Variants in EYS observed in about 807,000 individuals in gnomAD.
EYS encodes EGF-like photoreceptor maintenance factor.
Under a neutral mutation model 282.1 loss-of-function variants are expected in EYS, and 250 were observed. That is an observed-to-expected ratio of 0.89 (90% CI 0.80 to 0.98). EYS has a LOEUF of 0.98. EYS is among the 50% of genes least tolerant of loss of function. EYS has a pLI of 0.00. For synonymous variants in EYS, 1,355 were observed against 1,282.9 expected (o/e 1.06, Z -1.20); for missense variants, 4,016 against 3,709.0 (o/e 1.08, Z -2.15).
chr6:65,140,393 C>G (rs1043665924), intron 12 of EYS, among the ~76,000 whole-genome samples: 1 of 151,540 alleles, frequency 6.6e-6, no homozygotes, highest in African/African-American at 2.4e-5. Context: ...GGGACTATAA[C>G]AACAGTTTAT....
chr6:64,413,807 A>G (rs1440772530), intron 28 of EYS, among the ~76,000 whole-genome samples: 1 of 152,180 alleles, frequency 6.6e-6, no homozygotes, highest in Non-Finnish European at 1.5e-5. Context: ...TCCCAAATTC[A>G]TATGTTGAAA....
intron 18 of EYS, among the ~76,000 whole-genome samples, chr6:64,896,356 AG>A (rs1333348134): frequency 2.0e-5 from 3 of 152,028 alleles, no homozygotes; most frequent in Non-Finnish European, 4.4e-5. Context: ...CCCCTAACCA[AG>A]GGAAGCCCAG....
intron 22 of EYS, among the ~76,000 whole-genome samples, chr6:64,690,643 T>A (rs1279777467): frequency 6.6e-6 from 1 of 152,180 alleles, no homozygotes; most frequent in African/African-American, 2.4e-5. Flanking sequence ...TGGAATACTA[T>A]GCAGCCATAA....
chr6:64,434,579 A>G (rs1399641194), intron 28 of EYS, among the ~76,000 whole-genome samples: 2 of 152,028 alleles, frequency 1.3e-5, no homozygotes, highest in South Asian at 2.1e-4. Flanking sequence ...TTCAATTCAT[A>G]TTACATTTCT....
intron 22 of EYS, among the ~76,000 whole-genome samples, chr6:64,686,113 A>G (rs560229364): frequency 6.7e-6 from 1 of 150,362 alleles, no homozygotes. Flanking sequence ...TTAAAAAAAA[A>G]CAGGAAACTG....
At chr6:65,373,713 G>A (rs528808490) in intron 8 of EYS, among the ~76,000 whole-genome samples, 1 of 151,954 alleles carries the variant, frequency 6.6e-6, no homozygotes, top group South Asian at 2.1e-4. Flanking sequence ...TTATTATATG[G>A]ATACACTATA....
chr6:64,532,435 C>T (rs909938476), intron 26 of EYS, among the ~76,000 whole-genome samples: 2 of 152,096 alleles, frequency 1.3e-5, no homozygotes, highest in African/African-American at 4.8e-5. Flanking sequence ...CTAGGCCGGG[C>T]GCGGTGGCTC....
At chr6:65,219,427 T>A (rs1029500140) in intron 12 of EYS, among the ~76,000 whole-genome samples, 1 of 152,128 alleles carries the variant, frequency 6.6e-6, no homozygotes, top group African/African-American at 2.4e-5. Context: ...GTTTGCCAAG[T>A]CTGCTTGTAA....
intron 28 of EYS, among the ~76,000 whole-genome samples, chr6:64,402,892 G>A (rs1260041836): frequency 6.6e-6 from 1 of 152,070 alleles, no homozygotes; most frequent in South Asian, 2.1e-4. Flanking sequence ...TGAAAGGACT[G>A]CTAGAACTTC....
chr6:63,875,451 G>A lies in EYS; in HGVS notation c.7056-11093C>T, dbSNP rs112892021. On this transcript the variant is annotated intron_variant, in intron 35 of 42. Transcript: ENST00000503581. The stretch of plus-strand genomic sequence containing the variant: ...AAATTCTCTTTTTTTGTTGTGTCTC[G>A]GCCAGGCATGGTATCAGGATAATGT... 5.7e-3 allele frequency among the ~76,000 whole-genome samples: 859 copies of A among 152,004 alleles called. 10 individuals carry two copies. The highest frequency in any genetic ancestry group is 0.02 in the African/African-American group (816 of 41,456).
intron 14 of EYS, among the ~76,000 whole-genome samples, chr6:64,946,889 T>G (rs1429638828): frequency 2.0e-5 from 3 of 151,980 alleles, no homozygotes; most frequent in African/African-American, 7.2e-5. Flanking sequence ...TCAATTAATT[T>G]CATTTATTTC....
At chr6:64,197,346 T>A (rs1765322552) in intron 31 of EYS, among the ~76,000 whole-genome samples, 1 of 152,202 alleles carries the variant, frequency 6.6e-6, no homozygotes, top group Admixed American at 6.5e-5. Context: ...TATCTGTAGA[T>A]GGGTAAATCT....
At chr6:64,968,994 T>A (rs1317424709) in intron 14 of EYS, among the ~76,000 whole-genome samples, 2 of 152,106 alleles carry the variant, frequency 1.3e-5, no homozygotes, top group African/African-American at 2.4e-5. Context: ...TTGCCCAAGA[T>A]CTCTGTTATA....
chr6:64,800,450 G>T (rs1488474249), intron 22 of EYS, among the ~76,000 whole-genome samples: 1 of 151,726 alleles, frequency 6.6e-6, no homozygotes, highest in East Asian at 1.9e-4. Context: ...AACCAAAAAT[G>T]TTATAAGAGC....
At chr6:64,950,059 G>T (rs966369083) in intron 14 of EYS, among the ~76,000 whole-genome samples, 1 of 151,842 alleles carries the variant, frequency 6.6e-6, no homozygotes, top group African/African-American at 2.4e-5. Flanking sequence ...AAACATTTAA[G>T]CCATGTAATA....
chr6:65,519,822 TCCTC>T (rs1287937488), intron 2 of EYS, among the ~76,000 whole-genome samples: 1 of 145,280 alleles, frequency 6.9e-6, no homozygotes, highest in Non-Finnish European at 1.5e-5. Flanking sequence ...GCTTAGGTGA[TCCTC>T]CCACCTCAAC....
chr6:65,473,809 C>T (rs1156961258), intron 5 of EYS, among the ~76,000 whole-genome samples: 2 of 137,548 alleles, frequency 1.5e-5, no homozygotes, highest in Admixed American at 7.4e-5. Flanking sequence ...ATTTCCTCCA[C>T]AGGAAAAATA....
chr6:63,781,323 T>C (rs548835450), intron 39 of EYS, among the ~76,000 whole-genome samples: 1 of 152,350 alleles, frequency 6.6e-6, no homozygotes, highest in African/African-American at 2.4e-5. Flanking sequence ...ACATTAAATC[T>C]ATAAATTACC....
chr6:64,943,393 A>T (rs1399978274), intron 15 of EYS, among the ~76,000 whole-genome samples: 2 of 152,090 alleles, frequency 1.3e-5, no homozygotes, highest in African/African-American at 4.8e-5. Flanking sequence ...AAAGGAACAA[A>T]ATAAGTCAAA....
Sources: gnomAD v4.1 joint callset for allele counts (sites outside exome capture counted in the v4.1 genomes callset) on GRCh38, gnomAD v4.1.1 for gene constraint, MANE v1.5 for transcripts, NCBI Gene and HGNC (gene_info 2026-07-23, HGNC 2026-07-21) for gene names.